SDK2: variants seen among roughly 807,000 people sequenced by gnomAD.
SDK2 encodes the protein sidekick cell adhesion molecule 2.
Under a neutral mutation model 253.9 loss-of-function variants are expected in SDK2, and 105 were observed. That is an observed-to-expected ratio of 0.41 (90% CI 0.35 to 0.49). The LOEUF is 0.49. Ranked by LOEUF, SDK2 falls within the 20% of genes least tolerant of loss-of-function variation. The probability of loss-of-function intolerance (pLI) is 0.06; values close to 1 mark genes in which losing one functional copy is unlikely to be tolerated. For missense variants in SDK2, 2,608 were observed against 3,003.0 expected, an observed-to-expected ratio of 0.87 and a Z score of 3.07; for synonymous variants, 1,249 against 1,234.9, an observed-to-expected ratio of 1.01 and a Z score of -0.24.
At chr17:73,602,312 C>T (rs1353028485) in intron 1 of SDK2, among the ~76,000 whole-genome samples, 2 of 152,104 alleles carry the variant, frequency 1.3e-5, no homozygotes, top group Non-Finnish European at 2.9e-5. Flanking sequence ...AGGAAGAAAG[C>T]GAGGGCTGCG....
intron 1 of SDK2, among the ~76,000 whole-genome samples, chr17:73,628,924 C>A (rs1397665330): frequency 6.6e-6 from 1 of 152,158 alleles, no homozygotes; most frequent in Non-Finnish European, 1.5e-5. Context: ...ATGCCCAGAC[C>A]CCCCTGGACG....
Position 73,472,152 on chromosome 17 carries a change from C to T in SDK2, c.291G>A (p.Met97Ile), listed in dbSNP as rs1444612477. Residue 97 changes from methionine to isoleucine, a missense_variant, in exon 3 of 45, where the codon ATG (methionine) becomes ATA (isoleucine). Met to Ile is a conservative substitution (Grantham distance 10). Coordinates refer to ENST00000392650, the MANE Select transcript of SDK2 (RefSeq NM_001144952.2). Reference protein sequence around the residue: ...GFYRCIVRNRMGALLQRQTEV... With the variant: ...GFYRCIVRNRIGALLQRQTEV... ...CGGTTTGCCGCTGCAGCAGGGCCCCCATTCGGTTCCGCACGATGCAACGGT... is the reference window on the plus strand; with the variant it reads ...CGGTTTGCCGCTGCAGCAGGGCCCCTATTCGGTTCCGCACGATGCAACGGT... 1 of 1,551,718 alleles carries T rather than the reference C, an allele frequency of 6.4e-7. No homozygotes were observed. Among genetic ancestry groups the T allele is most frequent in the Non-Finnish European group, 8.7e-7 (1 of 1,146,998 alleles).
At chr17:73,588,207 C>CG (rs370190252) in intron 1 of SDK2, among the ~76,000 whole-genome samples, 7 of 142,634 alleles carry the variant, frequency 4.9e-5, no homozygotes, top group African/African-American at 1.1e-4. Flanking sequence ...ACCCCCCCCC[C>CG]TCCCCCGCCA....
At chr17:73,397,931 AAG>A (rs1203313393) in intron 24 of SDK2, 102 bp downstream of exon 24, 15 of 1,283,098 alleles carry the variant, frequency 1.2e-5, no homozygotes, top group Non-Finnish European at 1.5e-5. Context: ...AGAAAACAGA[AAG>A]AGAGGAGAAA....
At chr17:73,512,574 T>C (rs952296900) in intron 1 of SDK2, among the ~76,000 whole-genome samples, 18 of 144,250 alleles carry the variant, frequency 1.2e-4, no homozygotes, top group African/African-American at 2.3e-4. Context: ...CACACACACA[T>C]ACACATACGA....
At chr17:73,380,517 G>A (rs1305423903) in intron 34 of SDK2, among the ~76,000 whole-genome samples, 1 of 152,174 alleles carries the variant, frequency 6.6e-6, no homozygotes, top group Non-Finnish European at 1.5e-5. Context: ...AGACCCAGCT[G>A]GGCCGAGAAG....
At chr17:73,594,298 G>C (rs1174571120) in intron 1 of SDK2, among the ~76,000 whole-genome samples, 3 of 152,028 alleles carry the variant, frequency 2.0e-5, no homozygotes, top group Non-Finnish European at 4.4e-5. Context: ...GCCTTCCCCC[G>C]GGCAGCAGCT....
chr17:73,625,935 G>A (rs1017631018), intron 1 of SDK2, among the ~76,000 whole-genome samples: 1 of 152,136 alleles, frequency 6.6e-6, no homozygotes, highest in Non-Finnish European at 1.5e-5. Flanking sequence ...GTGAATCACC[G>A]AGTCCTGCAG....
intron 15 of SDK2, among the ~76,000 whole-genome samples, chr17:73,420,167 C>T (rs923178780): frequency 5.3e-5 from 8 of 152,222 alleles, no homozygotes; most frequent in Admixed American, 2.6e-4. Flanking sequence ...CGCGACAGCA[C>T]GTCTTTCTCT....
chr17:73,562,708 A>G (rs1369302819), intron 1 of SDK2, among the ~76,000 whole-genome samples: 1 of 152,150 alleles, frequency 6.6e-6, no homozygotes, highest in African/African-American at 2.4e-5. Context: ...AAAGGGAGAG[A>G]GAAGCAGAGC....
intron 1 of SDK2, among the ~76,000 whole-genome samples, chr17:73,621,153 A>C (rs1476605761): frequency 6.6e-6 from 1 of 152,234 alleles, no homozygotes; most frequent in Non-Finnish European, 1.5e-5. Flanking sequence ...AATTCTTTGT[A>C]TAGATGATGC....
At chr17:73,374,045 T>C (rs1815659627) in intron 36 of SDK2, among the ~76,000 whole-genome samples, 1 of 145,416 alleles carries the variant, frequency 6.9e-6, no homozygotes, top group South Asian at 2.3e-4. Flanking sequence ...TGGTCATATG[T>C]ATGGTTTGCA....
chr17:73,584,368 T>C (rs2145887747), intron 1 of SDK2, among the ~76,000 whole-genome samples: 1 of 152,334 alleles, frequency 6.6e-6, no homozygotes, highest in East Asian at 1.9e-4. Flanking sequence ...AATAAGGTTG[T>C]TGCTGTCGGT....
Position 73,423,464 on chromosome 17 carries a change from C to G in SDK2, c.1819G>C (p.Ala607Pro). The change falls in exon 14 of 45, where the codon GCC (alanine) becomes CCC (proline). Residue 607 changes from alanine to proline, a missense_variant. Around this residue, in one of 2 missense-constraint regions of SDK2, gnomAD observed 1,505 missense variants for 1,859.1 expected, o/e 0.81. Coordinates refer to ENST00000392650, the MANE Select transcript of SDK2 (RefSeq NM_001144952.2). Reference protein sequence around the residue: ...VATLSTVERRAINLTWTKPFD... With the variant: ...VATLSTVERRPINLTWTKPFD... ...GGCTTGGTCCACGTCAGGTTGATGG[C>G]TCGCCTTTCCACGGTGCTGAGAGTG... 1 of 1,594,238 alleles carries G rather than the reference C, an allele frequency of 6.3e-7. No individual in the cohort carries two copies. The highest frequency in any genetic ancestry group is 1.3e-5 in the African/African-American group (1 of 74,520).
At chr17:73,533,263 C>A (rs745368608) in intron 1 of SDK2, among the ~76,000 whole-genome samples, 16 of 152,356 alleles carry the variant, frequency 1.1e-4, no homozygotes, top group Non-Finnish European at 1.8e-4. Context: ...CAGCCAAGGA[C>A]ACAGGTGGGC....
chr17:73,394,132 TA>T, intron 26 of SDK2, 76 bp downstream of exon 26: 1 of 871,140 alleles, frequency 1.1e-6, no homozygotes, highest in Non-Finnish European at 1.7e-6. Flanking sequence ...TAGAGGGTGA[TA>T]AGGACAAGGC....
chr17:73,576,271 T>TGCCAAGGATGGGAAGGGTGTC (rs2045457760), intron 1 of SDK2, among the ~76,000 whole-genome samples: 1 of 151,790 alleles, frequency 6.6e-6, no homozygotes, highest in East Asian at 1.9e-4. Flanking sequence ...GGAAAGAGCA[T>TGCCAAGGATGGGAAGGGTGTC]GCCAAGGATG....
At position 73,433,950 on chromosome 17, in the gene SDK2, C is replaced by T. The variant is rs1275136191; in HGVS notation, c.1196-102G>A. ...GCCCACCGAGGGCCAGGCCCTCATC[C>T]TCCCCCTGCCATGGTGAGGGGCCCT... On this transcript the variant is annotated intron_variant, in intron 9 of 44. Transcript: ENST00000392650. 4 of 723,458 alleles carry T rather than the reference C, an allele frequency of 5.5e-6. No individual in the cohort carries two copies. In the East Asian group the frequency reaches 1.1e-4, roughly 21 times the overall value. 44.8% of individuals were successfully genotyped at this position (723,458 alleles called of 1,614,324 possible).
Position 73,419,301 on chromosome 17 carries a change from G to A in SDK2, c.2051C>T (p.Ser684Phe). 6.2e-7 allele frequency: 1 copy of A among 1,611,678 alleles called. No individual in the cohort carries two copies. The change falls in exon 16 of 45, where the codon TCC becomes TTC. Residue 684 changes from serine (S) to phenylalanine (F), a missense_variant. Transcript: ENST00000392650. ...GGCCGTGGGGGGCTCCTCGGGGAGG[G>A]AGACCCTGGATCACAAAACACCAAT... is the stretch of plus-strand genomic sequence containing the variant. ...GQFSKDTERV[S>F]LPEEPPTAPP... is the part of the protein sequence containing the mutation.
Sources: allele counts gnomAD v4.1 joint callset (sites outside exome capture counted in the v4.1 genomes callset), GRCh38; gene constraint gnomAD v4.1.1; regional missense constraint gnomAD v4.1.1; transcripts MANE v1.5; gene names NCBI Gene and HGNC (gene_info 2026-07-23, HGNC 2026-07-21).